Variants in ARHGAP24 observed in about 807,000 individuals in gnomAD.
The protein encoded by ARHGAP24 is rho GTPase-activating protein 24.
A neutral mutation model predicts 76.4 loss-of-function variants in ARHGAP24; 50 were observed. The ratio of observed to expected loss-of-function variants is 0.65; its 90% CI spans 0.52 to 0.83. ARHGAP24 has a LOEUF of 0.83. ARHGAP24 is among the 40% of genes least tolerant of loss of function. ARHGAP24 has a pLI of 0.00. For synonymous variants in ARHGAP24, 345 were observed against 323.3 expected, an observed-to-expected ratio of 1.07 and a Z score of -0.72; for missense variants, 930 against 914.2, an observed-to-expected ratio of 1.02 and a Z score of -0.22.
intron 3 of ARHGAP24, among the ~76,000 whole-genome samples, chr4:85,876,298 C>T (rs571272956): frequency 6.6e-6 from 1 of 152,210 alleles, no homozygotes; most frequent in East Asian, 1.9e-4. Flanking sequence ...TGTAATTTAC[C>T]TAATGGGATT....
intron 3 of ARHGAP24, among the ~76,000 whole-genome samples, chr4:85,805,019 A>G (rs1018329845): frequency 3.3e-5 from 5 of 152,300 alleles, no homozygotes; most frequent in Admixed American, 3.3e-4. Context: ...TTGCAGATAC[A>G]TGCGGACAAA....
chr4:85,906,969 G>C (rs1734803272), intron 3 of ARHGAP24, among the ~76,000 whole-genome samples: 1 of 152,148 alleles, frequency 6.6e-6, no homozygotes, highest in African/African-American at 2.4e-5. Flanking sequence ...TGGCAGAAGG[G>C]AAGACATTGG....
At chr4:85,930,644 T>G (rs1736277241) in intron 4 of ARHGAP24, 1 of 1,105,730 alleles carries the variant, frequency 9.0e-7, no homozygotes, top group Non-Finnish European at 1.1e-6. Flanking sequence ...GTTCTTTTCC[T>G]GTGACATTTT....
chr4:85,633,999 C>T (rs1263870543), intron 2 of ARHGAP24, among the ~76,000 whole-genome samples: 2 of 151,866 alleles, frequency 1.3e-5, no homozygotes, highest in East Asian at 3.8e-4. Context: ...ATATTGATTA[C>T]TGTTTTTACA....
chr4:85,659,314 G>A (rs1187959497), intron 2 of ARHGAP24, among the ~76,000 whole-genome samples: 1 of 152,114 alleles, frequency 6.6e-6, no homozygotes, highest in African/African-American at 2.4e-5. Context: ...GGAAACCAGA[G>A]TTCTGTCTTT....
chr4:85,732,705 T>TC (rs1290841199), intron 3 of ARHGAP24, among the ~76,000 whole-genome samples: 1 of 151,026 alleles, frequency 6.6e-6, no homozygotes, highest in Non-Finnish European at 1.5e-5. Flanking sequence ...TTTTTTTTTT[T>TC]TTTTTGAGAC....
chr4:85,861,861 A>G (rs1731921722), intron 3 of ARHGAP24, among the ~76,000 whole-genome samples: 1 of 152,010 alleles, frequency 6.6e-6, no homozygotes, highest in African/African-American at 2.4e-5. Context: ...TTGTTTTAAC[A>G]ATATACTTCT....
In ARHGAP24 at chr4:85,506,752, C is replaced by T. The variant is rs557761443; in HGVS notation, c.-21+31193C>T. ...TCGACTCACCCTCTGTGGGCTGCAC[C>T]CACTGTCCAACCAGCCCCAGTGAGA... is the stretch of plus-strand genomic sequence containing the variant. On this transcript the variant is annotated intron_variant, in intron 1 of 9. Coordinates refer to ENST00000395184, the MANE Select transcript of ARHGAP24 (RefSeq NM_001025616.3). 2.7e-4 allele frequency among the ~76,000 whole-genome samples: 41 copies of T among 152,300 alleles called. 1 individual carries two copies. In the South Asian group the frequency reaches 7.9e-3, roughly 29 times the overall value.
chr4:85,495,264 G>A (rs1448076642), intron 1 of ARHGAP24, among the ~76,000 whole-genome samples: 1 of 151,838 alleles, frequency 6.6e-6, no homozygotes, highest in Admixed American at 6.6e-5. Flanking sequence ...GAGGTAAAGG[G>A]TCAGAAGGAA....
At chr4:85,949,436 A>G (rs1737473031) in intron 5 of ARHGAP24, among the ~76,000 whole-genome samples, 2 of 152,214 alleles carry the variant, frequency 1.3e-5, no homozygotes, top group Admixed American at 6.5e-5. Flanking sequence ...GGATGCTACA[A>G]TTTAGTGAAG....
rs190299474 is a variant in ARHGAP24 at position 85,881,723 on chromosome 4, C to T, written c.269-41925C>T. Among the ~76,000 whole-genome samples the T allele has an allele frequency of 1.3e-3, 196 of 152,252 alleles. 1 individual carries two copies. Among genetic ancestry groups the T allele is most frequent in the East Asian group, 9.5e-3 (49 of 5,182 alleles). On this transcript the variant is annotated intron_variant, in intron 3 of 9. Coordinates refer to ENST00000395184, the MANE Select transcript of ARHGAP24 (RefSeq NM_001025616.3). ...CCAGATTCCAGTTTTCTACTGGAAACGCTCCCCTCAGGTTTGTGACACAGA... is the reference window on the plus strand; with the variant it reads ...CCAGATTCCAGTTTTCTACTGGAAATGCTCCCCTCAGGTTTGTGACACAGA...
intron 9 of ARHGAP24, among the ~76,000 whole-genome samples, chr4:85,998,091 T>A (rs1044271713): frequency 2.6e-5 from 4 of 152,222 alleles, no homozygotes; most frequent in African/African-American, 9.6e-5. Flanking sequence ...AGAGATCAAG[T>A]CTGTTAATCA....
At chr4:85,813,186 C>A (rs1356673261) in intron 3 of ARHGAP24, among the ~76,000 whole-genome samples, 1 of 152,070 alleles carries the variant, frequency 6.6e-6, no homozygotes, top group Non-Finnish European at 1.5e-5. Context: ...TTATGAAAAC[C>A]ACAACAGAAT....
At chr4:85,587,258 G>A (rs1339304175) in intron 2 of ARHGAP24, among the ~76,000 whole-genome samples, 3 of 152,130 alleles carry the variant, frequency 2.0e-5, no homozygotes, top group African/African-American at 7.2e-5. Flanking sequence ...AATTAATACA[G>A]AGAAATATTA....
At chr4:85,620,492 G>A (rs1720681272) in intron 2 of ARHGAP24, among the ~76,000 whole-genome samples, 1 of 151,688 alleles carries the variant, frequency 6.6e-6, no homozygotes, top group Non-Finnish European at 1.5e-5. Context: ...GGTTTCGGTT[G>A]TAATGTAGTT....
At chr4:85,570,829 T>G in intron 2 of ARHGAP24, 108 bp downstream of exon 2, 1 of 1,220,936 alleles carries the variant, frequency 8.2e-7, no homozygotes, top group Non-Finnish European at 1.2e-6. Context: ...CCTGGTCTCC[T>G]TCAGTTCATT....
At chr4:85,795,728 A>C (rs1306726348) in intron 3 of ARHGAP24, among the ~76,000 whole-genome samples, 1 of 140,924 alleles carries the variant, frequency 7.1e-6, no homozygotes, top group African/African-American at 2.7e-5. Context: ...CAGTTAATGT[A>C]ATATGGTAAA....
At chr4:85,672,078 C>G (rs1011000731) in intron 2 of ARHGAP24, among the ~76,000 whole-genome samples, 1 of 152,116 alleles carries the variant, frequency 6.6e-6, no homozygotes, top group Admixed American at 6.5e-5. Context: ...GCTCAGAGAA[C>G]TTTTTGCACA....
chr4:85,591,608 C>T (rs1728113417), intron 2 of ARHGAP24, among the ~76,000 whole-genome samples: 1 of 152,176 alleles, frequency 6.6e-6, no homozygotes, highest in Non-Finnish European at 1.5e-5. Flanking sequence ...CCATTAGTCA[C>T]AAGTCACATA....
Sources: allele counts gnomAD v4.1 joint callset (sites outside exome capture counted in the v4.1 genomes callset), GRCh38; gene constraint gnomAD v4.1.1; transcripts MANE v1.5; gene names NCBI Gene and HGNC (gene_info 2026-07-23, HGNC 2026-07-21).